NCKAP5: variants seen among roughly 807,000 people sequenced by gnomAD.
NCKAP5 encodes the protein nck-associated protein 5.
Under a neutral mutation model 167.0 loss-of-function variants are expected in NCKAP5, and 92 were observed. That is an observed-to-expected ratio of 0.55 (90% CI 0.47 to 0.66). The LOEUF (loss-of-function observed/expected upper bound fraction) is 0.66, where lower values mean the gene tolerates loss of function less well. NCKAP5 is among the 30% of genes least tolerant of loss of function. The probability of loss-of-function intolerance (pLI) is 0.00; values close to 1 mark genes in which losing one functional copy is unlikely to be tolerated. For synonymous variants in NCKAP5, 891 were observed against 877.4 expected (o/e 1.02, Z -0.27); for missense variants, 2,378 against 2,315.0 (o/e 1.03, Z -0.56).
intron 5 of NCKAP5, among the ~76,000 whole-genome samples, chr2:133,158,646 TTA>T (rs1559205534): frequency 6.6e-6 from 1 of 152,174 alleles, no homozygotes. Flanking sequence ...ATTACCTCAT[TTA>T]TATGTTATCT....
chr2:132,883,221 C>CACACACAT (rs921177559), intron 8 of NCKAP5, among the ~76,000 whole-genome samples: 6 of 151,572 alleles, frequency 4.0e-5, no homozygotes, highest in African/African-American at 1.5e-4. Context: ...CACACACACA[C>CACACACAT]ACACACACAC....
chr2:133,029,473 G>A (rs932739858), intron 6 of NCKAP5, among the ~76,000 whole-genome samples: 1 of 152,114 alleles, frequency 6.6e-6, no homozygotes, highest in Non-Finnish European at 1.5e-5. Context: ...AGCAGGGGGA[G>A]GTTCATTTAA....
At chr2:133,220,329 A>G (rs982317577) in intron 4 of NCKAP5, among the ~76,000 whole-genome samples, 10 of 149,816 alleles carry the variant, frequency 6.7e-5, no homozygotes, top group Admixed American at 2.7e-4. Context: ...TAAAAAAAGA[A>G]TATAAAGAAA....
rs986886769 is a variant in NCKAP5 at position 133,444,356 on chromosome 2, A to AT, written c.69+73101dup. The stretch of plus-strand genomic sequence containing the variant: ...ATAGCTTTTAAAGACAAAAACAAAG[A>AT]TAGATAGATAGATAGATAGATAGAT... On this transcript the variant is annotated intron_variant, in intron 3 of 19. Transcript: ENST00000409261. Among the ~76,000 whole-genome samples the AT allele has an allele frequency of 5.9e-3, 126 of 21,532 alleles. 1 individual carries two copies. Among genetic ancestry groups the AT allele is most frequent in the African/African-American group, 0.013 (123 of 9,364 alleles). The allele number at this position is 21,532 out of a possible 152,430, so 14.1% of individuals were successfully genotyped here.
chr2:132,820,688 A>G (rs1686665009), intron 11 of NCKAP5, among the ~76,000 whole-genome samples: 2 of 152,232 alleles, frequency 1.3e-5, no homozygotes, highest in African/African-American at 2.4e-5. Flanking sequence ...TGGGTAACAC[A>G]TCCTTTTAAA....
At chr2:132,824,716 T>C (rs947313682) in intron 11 of NCKAP5, among the ~76,000 whole-genome samples, 1 of 152,090 alleles carries the variant, frequency 6.6e-6, no homozygotes, top group Non-Finnish European at 1.5e-5. Context: ...GAATTGTGGA[T>C]GGAATGCTTC....
At chr2:133,078,643 G>T (rs1378117796) in intron 6 of NCKAP5, among the ~76,000 whole-genome samples, 1 of 152,066 alleles carries the variant, frequency 6.6e-6, no homozygotes, top group African/African-American at 2.4e-5. Context: ...GAATGAGACA[G>T]GCCTCATGCT....
chr2:132,732,425 A>G (rs557502240), intron 16 of NCKAP5, among the ~76,000 whole-genome samples: 524 of 152,194 alleles, frequency 3.4e-3, no homozygotes, highest in African/African-American at 0.012. Flanking sequence ...CCTAGAATTT[A>G]AAGTGTAATA....
chr2:132,970,667 T>C (rs1021891514), intron 7 of NCKAP5, among the ~76,000 whole-genome samples: 2 of 152,220 alleles, frequency 1.3e-5, no homozygotes, highest in Admixed American at 6.5e-5. Context: ...TCCTTAGAGC[T>C]GTAAGTTTCC....
the NCKAP5 span, among the ~76,000 whole-genome samples, chr2:133,647,109 A>T: frequency 6.6e-6 from 1 of 152,224 alleles, no homozygotes. Context: ...AGGCCAAGGC[A>T]AGAGGATTGC....
chr2:132,782,591 G>T lies in NCKAP5; in HGVS notation c.4220C>A (p.Pro1407Gln). 6.3e-7 allele frequency: 1 copy of T among 1,586,376 alleles called. No homozygotes were observed. Among genetic ancestry groups the T allele is most frequent in the Non-Finnish European group, 8.6e-7 (1 of 1,165,812 alleles). Residue 1407 changes from proline to glutamine, a missense_variant, in exon 14 of 20, where the codon CCA becomes CAA. By Grantham distance (76) the Pro-to-Gln change is moderately conservative. Transcript: ENST00000409261. ...PSANVAVLGE[P>Q]GSDRRSCPPT... ...TGGGCAACTGCGGCGGTCACTGCCTGGTTCCCCAAGTACAGCCACATTGGC... is the reference window on the plus strand; with the variant it reads ...TGGGCAACTGCGGCGGTCACTGCCTTGTTCCCCAAGTACAGCCACATTGGC...
chr2:133,379,757 C>T (rs1165971951), intron 3 of NCKAP5, among the ~76,000 whole-genome samples: 1 of 152,078 alleles, frequency 6.6e-6, no homozygotes, highest in Non-Finnish European at 1.5e-5. Flanking sequence ...GAAAATGATC[C>T]AAGGTAATGT....
At chr2:133,372,441 T>A (rs1319411408) in intron 3 of NCKAP5, among the ~76,000 whole-genome samples, 5 of 152,322 alleles carry the variant, frequency 3.3e-5, no homozygotes, top group Admixed American at 2.0e-4. Context: ...TCCTACTGAC[T>A]AGAAGGTTCT....
At chr2:133,021,393 A>G (rs2078522777) in intron 6 of NCKAP5, among the ~76,000 whole-genome samples, 1 of 152,142 alleles carries the variant, frequency 6.6e-6, no homozygotes, top group Admixed American at 6.5e-5. Flanking sequence ...GAAAAAATAG[A>G]TATTCTTCCA....
chr2:132,977,800 G>A (rs2077018847), intron 7 of NCKAP5, among the ~76,000 whole-genome samples: 1 of 151,746 alleles, frequency 6.6e-6, no homozygotes, highest in Non-Finnish European at 1.5e-5. Context: ...TCAGTGCATA[G>A]GGTAGGGCTG....
chr2:133,624,320 C>T, the NCKAP5 span, among the ~76,000 whole-genome samples: 3 of 152,070 alleles, frequency 2.0e-5, no homozygotes, highest in East Asian at 5.8e-4. Context: ...TCTTCTGTTG[C>T]AGCCCTCTCC....
chr2:133,504,252 T>A (rs1314419356), intron 3 of NCKAP5, among the ~76,000 whole-genome samples: 1 of 48,910 alleles, frequency 2.0e-5, no homozygotes, highest in African/African-American at 8.1e-5. Context: ...GTGTATCTGT[T>A]GTATAAATCT....
At chr2:132,723,932 G>C (rs986178178) in intron 19 of NCKAP5, among the ~76,000 whole-genome samples, 10 of 152,198 alleles carry the variant, frequency 6.6e-5, no homozygotes, top group African/African-American at 2.4e-4. Flanking sequence ...CAGAGGAGTG[G>C]TTAGTCCTCA....
chr2:132,874,394 C>T (rs1485889334), intron 9 of NCKAP5, among the ~76,000 whole-genome samples: 1 of 152,138 alleles, frequency 6.6e-6, no homozygotes. Flanking sequence ...AGGTGTGAGC[C>T]ACCATGCCCG....
Sources: gnomAD v4.1 joint callset for allele counts (sites outside exome capture counted in the v4.1 genomes callset) on GRCh38, gnomAD v4.1.1 for gene constraint, MANE v1.5 for transcripts, NCBI Gene and HGNC (gene_info 2026-07-23, HGNC 2026-07-21) for gene names.